The following EXOC6B variants were observed in gnomAD, a reference collection of about 807,000 sequenced individuals.
The protein encoded by EXOC6B is SEC15 homolog B.
Under a neutral mutation model 113.5 loss-of-function variants are expected in EXOC6B, and 54 were observed. The observed-to-expected ratio is 0.48, with a 90% CI of 0.38 to 0.60. The LOEUF (loss-of-function observed/expected upper bound fraction) is 0.60. Ranked by LOEUF, EXOC6B falls within the 20% of genes least tolerant of loss-of-function variation. The pLI, the probability that EXOC6B is intolerant of heterozygous loss-of-function variation, is 0.00. For missense variants in EXOC6B, 797 were observed against 977.5 expected, an observed-to-expected ratio of 0.82 and a Z score of 2.46; for synonymous variants, 357 against 339.0, an observed-to-expected ratio of 1.05 and a Z score of -0.58.
At chr2:72,785,258 A>G (rs1051530966) in intron 1 of EXOC6B, among the ~76,000 whole-genome samples, 1 of 152,138 alleles carries the variant, frequency 6.6e-6, no homozygotes, top group Non-Finnish European at 1.5e-5. Context: ...GAGTGTCTGC[A>G]GCTTGTCTGC....
At chr2:72,702,840 A>C (rs1678531115) in intron 6 of EXOC6B, among the ~76,000 whole-genome samples, 2 of 146,080 alleles carry the variant, frequency 1.4e-5, no homozygotes, top group African/African-American at 2.5e-5. Flanking sequence ...TCAGATGAGT[A>C]GGTTGTGAAA....
chr2:72,513,777 G>T (rs778536030), intron 10 of EXOC6B, among the ~76,000 whole-genome samples: 85 of 152,052 alleles, frequency 5.6e-4, no homozygotes, highest in Non-Finnish European at 9.0e-4. Context: ...TCAAAAATGT[G>T]AAGTTACGTT....
At chr2:72,260,564 C>T (rs1683652192) in intron 20 of EXOC6B, among the ~76,000 whole-genome samples, 1 of 152,156 alleles carries the variant, frequency 6.6e-6, no homozygotes, top group Admixed American at 6.6e-5. Flanking sequence ...TTCAAACACC[C>T]TGAAAGTGTA....
intron 18 of EXOC6B, among the ~76,000 whole-genome samples, chr2:72,399,203 G>C (rs1200384976): frequency 6.6e-6 from 1 of 152,022 alleles, no homozygotes; most frequent in Non-Finnish European, 1.5e-5. Context: ...ATAAAATTCA[G>C]CATCCCTTCA....
At chr2:72,785,426 A>G (rs1684316232) in intron 1 of EXOC6B, among the ~76,000 whole-genome samples, 1 of 152,274 alleles carries the variant, frequency 6.6e-6, no homozygotes, top group Non-Finnish European at 1.5e-5. Context: ...CTGCCCTAGC[A>G]GAGTTTCTTG....
At chr2:72,401,268 C>T (rs1414396125) in intron 18 of EXOC6B, among the ~76,000 whole-genome samples, 2 of 150,166 alleles carry the variant, frequency 1.3e-5, no homozygotes, top group East Asian at 4.0e-4. Flanking sequence ...TTAAGACCAG[C>T]CTGGCCAGTG....
intron 6 of EXOC6B, among the ~76,000 whole-genome samples, chr2:72,667,425 A>T (rs1191025097): frequency 6.6e-6 from 1 of 152,188 alleles, no homozygotes; most frequent in African/African-American, 2.4e-5. Flanking sequence ...CAAAGCAATC[A>T]TAAGCAAAAG....
At chr2:72,574,380 G>A (rs916745552) in intron 7 of EXOC6B, among the ~76,000 whole-genome samples, 1 of 152,186 alleles carries the variant, frequency 6.6e-6, no homozygotes, top group Non-Finnish European at 1.5e-5. Context: ...CCTTTAAGGA[G>A]CAGGGATTTG....
Position 72,674,029 on chromosome 2 carries a change from T to TG in EXOC6B, c.669+44073dup, listed in dbSNP as rs953228030. Among the ~76,000 whole-genome samples the TG allele has an allele frequency of 2.2e-4, 34 of 151,872 alleles. No homozygotes were observed. The South Asian group carries it at 2.7e-3, about 12-fold the overall frequency. On this transcript the variant is annotated intron_variant, in intron 6 of 21. Coordinates refer to ENST00000272427, the MANE Select transcript of EXOC6B (RefSeq NM_015189.3). ...ATATTCATCTACCAATGAAACGATT[T>TG]GGGGGGGGTTTCATATTTAAAACTT... is the stretch of plus-strand genomic sequence containing the variant.
chr2:72,253,850 T>C (rs1267393684), intron 20 of EXOC6B, among the ~76,000 whole-genome samples: 5 of 151,908 alleles, frequency 3.3e-5, no homozygotes, highest in Non-Finnish European at 5.9e-5. Context: ...GAACCTAAAA[T>C]AAAAGTTAAA....
intron 20 of EXOC6B, among the ~76,000 whole-genome samples, chr2:72,258,011 G>A (rs1170912326): frequency 6.6e-6 from 1 of 152,116 alleles, no homozygotes; most frequent in East Asian, 1.9e-4. Context: ...ATTTTTAGAA[G>A]GAAATTGGCT....
chr2:72,332,851 A>T (rs1048091154), intron 20 of EXOC6B, among the ~76,000 whole-genome samples: 1 of 152,118 alleles, frequency 6.6e-6, no homozygotes, highest in Non-Finnish European at 1.5e-5. Context: ...AATGATGCTC[A>T]CTTTAAATAA....
rs1699985341 is a variant in EXOC6B at position 72,495,442 on chromosome 2, T to A, written c.1541A>T (p.Asp514Val). Residue 514 changes from aspartate (D) to valine (V), a missense_variant, in exon 15 of 22, where the codon GAT (aspartate) becomes GTT (valine). Coordinates refer to ENST00000272427, the MANE Select transcript of EXOC6B (RefSeq NM_015189.3). ...TTTTGTATTATACCTTAGATGAAGA[T>A]CTTCTGAAAACTTCAGACAAGCGTA... ...FIYACLKFSE[D>V]LHLSSTEVDD... 1.3e-6 allele frequency: 2 copies of A among 1,555,618 alleles called. No individual in the cohort carries two copies. Among genetic ancestry groups the A allele is most frequent in the Non-Finnish European group, 1.8e-6 (2 of 1,132,174 alleles).
chr2:72,506,581 TA>T (rs1310030107), intron 11 of EXOC6B, among the ~76,000 whole-genome samples: 2 of 152,200 alleles, frequency 1.3e-5, no homozygotes, highest in Non-Finnish European at 2.9e-5. Context: ...CTTTAAGACT[TA>T]AATGAATATC....
intron 20 of EXOC6B, among the ~76,000 whole-genome samples, chr2:72,203,907 GTATTA>G (rs1221841503): frequency 5.3e-5 from 8 of 152,184 alleles, no homozygotes; most frequent in Non-Finnish European, 1.2e-4. Flanking sequence ...GGCCTTCAAG[GTATTA>G]TACACTGCAT....
chr2:72,203,501 C>G (rs958857083), intron 20 of EXOC6B, among the ~76,000 whole-genome samples: 2 of 152,142 alleles, frequency 1.3e-5, no homozygotes, highest in Non-Finnish European at 2.9e-5. Flanking sequence ...GGGAATTTCA[C>G]AGCTAAAGGC....
At chr2:72,520,658 CAT>C (rs1346145332) in intron 8 of EXOC6B, among the ~76,000 whole-genome samples, 2 of 152,156 alleles carry the variant, frequency 1.3e-5, no homozygotes, top group East Asian at 3.9e-4. Flanking sequence ...AGTGGCAACT[CAT>C]AGGTTGATGT....
chr2:72,709,069 TA>T (rs1300696715), intron 6 of EXOC6B, among the ~76,000 whole-genome samples: 13 of 151,566 alleles, frequency 8.6e-5, no homozygotes, highest in African/African-American at 2.4e-4. Context: ...AAAAAAAAAC[TA>T]CTTTAGGGTT....
Position 72,578,869 on chromosome 2 carries a change from T to C in EXOC6B, c.670-3201A>G, listed in dbSNP as rs530222280. Among the ~76,000 whole-genome samples the C allele has an allele frequency of 3.9e-5, 6 of 152,182 alleles. No individual in the cohort carries two copies. In the South Asian group the frequency reaches 1.2e-3, roughly 32 times the overall value. ...TCAGGAAACGGCAAGTAACTTTGTA[T>C]AATTAGAGTATAGGTTATAAAGGAA... is the stretch of plus-strand genomic sequence containing the variant. On this transcript the variant is annotated intron_variant, in intron 6 of 21. Transcript: ENST00000272427.
Sources: gnomAD v4.1 joint callset for allele counts (sites outside exome capture counted in the v4.1 genomes callset) on GRCh38, gnomAD v4.1.1 for gene constraint, MANE v1.5 for transcripts, NCBI Gene and HGNC (gene_info 2026-07-23, HGNC 2026-07-21) for gene names.